STAT4: variants seen among roughly 807,000 people sequenced by gnomAD.
STAT4 encodes signal transducer and activator of transcription 4.
A neutral mutation model predicts 110.5 loss-of-function variants in STAT4; 42 were observed. That is an observed-to-expected ratio of 0.38 (90% CI 0.30 to 0.49). STAT4 has a LOEUF of 0.49. Ranked by LOEUF, STAT4 falls within the 20% of genes least tolerant of loss-of-function variation. STAT4 has a pLI of 0.95. For missense variants in STAT4, 632 were observed against 887.9 expected, an observed-to-expected ratio of 0.71 and a Z score of 3.66; for synonymous variants, 284 against 302.2, an observed-to-expected ratio of 0.94 and a Z score of 0.63.
chr2:191,100,477 A>C (rs1480320753), intron 3 of STAT4, among the ~76,000 whole-genome samples: 2 of 152,170 alleles, frequency 1.3e-5, no homozygotes, highest in Non-Finnish European at 2.9e-5. Flanking sequence ...TGAAATGCAA[A>C]TCACTGTCAT....
intron 3 of STAT4, among the ~76,000 whole-genome samples, chr2:191,096,755 G>C (rs1464590213): frequency 1.3e-5 from 2 of 152,290 alleles, no homozygotes; most frequent in East Asian, 3.9e-4. Flanking sequence ...ACACAGTGTT[G>C]GAAGTTCTGG....
chr2:191,064,719 A>C, intron 8 of STAT4, 88 bp downstream of exon 8: 1 of 1,461,496 alleles, frequency 6.8e-7, no homozygotes, highest in Non-Finnish European at 9.2e-7. Flanking sequence ...CTGATGTTGC[A>C]GTCTAAACCT....
rs1248082571 is a variant in STAT4 at position 191,030,294 on chromosome 2, G to C, written c.2221-428C>G. ...TTTTTGAGGCTTAGGGTCTCTCCAA[G>C]TTTCTATTATATTATTCTGATGTAT... On this transcript the variant is annotated intron_variant, in intron 23 of 23. Coordinates refer to ENST00000392320, the MANE Select transcript of STAT4 (RefSeq NM_003151.4). This position sits in a 1 kb window ranked among gnomAD's most constrained non-coding sequence, Gnocchi z 4.4. Among the ~76,000 whole-genome samples the C allele has an allele frequency of 6.6e-6, 1 of 152,126 alleles. No individual in the cohort carries two copies. Among genetic ancestry groups the C allele is most frequent in the African/African-American group, 2.4e-5 (1 of 41,424 alleles).
chr2:191,065,873 G>C (rs1236207438), intron 7 of STAT4, among the ~76,000 whole-genome samples: 2 of 152,076 alleles, frequency 1.3e-5, no homozygotes, highest in Non-Finnish European at 2.9e-5. Context: ...AAGTGAAATA[G>C]AGATGTTTCC....
At chr2:191,088,203 T>C (rs1697692560) in intron 3 of STAT4, among the ~76,000 whole-genome samples, 3 of 152,200 alleles carry the variant, frequency 2.0e-5, no homozygotes, top group African/African-American at 7.2e-5. Context: ...CTGGAACTAA[T>C]AAGCCATTAG....
At chr2:191,078,198 CAG>C (rs1697366366) in intron 3 of STAT4, among the ~76,000 whole-genome samples, 1 of 152,114 alleles carries the variant, frequency 6.6e-6, no homozygotes. Flanking sequence ...TTTTAGTTCT[CAG>C]AGTTCCTCTA....
At position 191,112,991 on chromosome 2, in the gene STAT4, C is replaced by T. The variant is rs1698466805; in HGVS notation, c.273+33622G>A. On this transcript the variant is annotated intron_variant, in intron 3 of 23. Transcript: ENST00000392320. The surrounding 1 kb of genome is among the most constrained non-coding windows in gnomAD (Gnocchi z 4.3). ...TAGCAGGAAGGGCATTCCCATAGCT[C>T]TCTGCTGTTCTTGCCCATCTGGGAA... Among the ~76,000 whole-genome samples the T allele has an allele frequency of 6.6e-6, 1 of 152,348 alleles. No homozygotes were observed. The highest frequency in any genetic ancestry group is 1.9e-4 in the East Asian group (1 of 5,188).
chr2:191,095,380 A>C (rs1697940931), intron 3 of STAT4, among the ~76,000 whole-genome samples: 1 of 152,204 alleles, frequency 6.6e-6, no homozygotes, highest in African/African-American at 2.4e-5. Context: ...ACTCCTCAGC[A>C]AATGTAAAAG....
At position 191,116,016 on chromosome 2, in the gene STAT4, G is replaced by A. The variant is rs1464644434; in HGVS notation, c.273+30597C>T. ...GCAGGAGTAAGGTATTAGTCATATG[G>A]TACGTTTGGTTGAAATGAACATTAT... On this transcript the variant is annotated intron_variant, in intron 3 of 23. Transcript: ENST00000392320. This position sits in a 1 kb window ranked among gnomAD's most constrained non-coding sequence, Gnocchi z 4.1. 6.6e-6 allele frequency among the ~76,000 whole-genome samples: 1 copy of A among 152,124 alleles called. No homozygotes were observed. The highest frequency in any genetic ancestry group is 2.4e-5 in the African/African-American group (1 of 41,422).
chr2:191,094,058 G>T (rs1398990320), intron 3 of STAT4, among the ~76,000 whole-genome samples: 1 of 152,090 alleles, frequency 6.6e-6, no homozygotes, highest in Non-Finnish European at 1.5e-5. Context: ...AAAAAGAAAA[G>T]AACAAAGCCT....
At chr2:191,100,584 T>C (rs1460994737) in intron 3 of STAT4, among the ~76,000 whole-genome samples, 1 of 152,180 alleles carries the variant, frequency 6.6e-6, no homozygotes, top group Non-Finnish European at 1.5e-5. Context: ...GAGCCTTTTC[T>C]GCTTACTGGT....
chr2:191,146,591 G>T lies in STAT4; in HGVS notation c.273+22C>A. On this transcript the variant is annotated intron_variant, in intron 3 of 23. Transcript: ENST00000392320. This position sits in a 1 kb window ranked among gnomAD's most constrained non-coding sequence, Gnocchi z 4.5. ...AAGACTCATATATCCAAATATTTTG[G>T]AAAAGTAGAATGCATTCTTACCTGA... 1 of 1,448,998 alleles carries T rather than the reference G, an allele frequency of 6.9e-7. No homozygotes were observed. The highest frequency in any genetic ancestry group is 9.1e-7 in the Non-Finnish European group (1 of 1,095,028). The allele number at this position is 1,448,998 out of a possible 1,614,324, so 89.8% of individuals were successfully genotyped here.
At chr2:191,120,086 T>C (rs1186308024) in intron 3 of STAT4, among the ~76,000 whole-genome samples, 1 of 152,026 alleles carries the variant, frequency 6.6e-6, no homozygotes, top group Non-Finnish European at 1.5e-5. Context: ...ACTAAAACAC[T>C]AAAGGTCCCA....
Position 191,050,584 on chromosome 2 carries a change from C to T in STAT4, c.1251+3906G>A, listed in dbSNP as rs1249186699. Among the ~76,000 whole-genome samples, 1 of 152,006 alleles carries T rather than the reference C, an allele frequency of 6.6e-6. No homozygotes were observed. ...TCAGAGATTGTCTAGTCCAATGAGTCCAAATGTTTTTTTTTTTTGACCTTG... is the reference window on the plus strand; with the variant it reads ...TCAGAGATTGTCTAGTCCAATGAGTTCAAATGTTTTTTTTTTTTGACCTTG... On this transcript the variant is annotated intron_variant, in intron 14 of 23. Coordinates refer to ENST00000392320, the MANE Select transcript of STAT4 (RefSeq NM_003151.4). The surrounding 1 kb of genome is among the most constrained non-coding windows in gnomAD (Gnocchi z 4.3).
chr2:191,145,520 G>A (rs1699440113), intron 3 of STAT4, among the ~76,000 whole-genome samples: 1 of 152,288 alleles, frequency 6.6e-6, no homozygotes, highest in South Asian at 2.1e-4. Flanking sequence ...ACAGATTGCT[G>A]TATGCTGCCA....
intron 3 of STAT4, among the ~76,000 whole-genome samples, chr2:191,103,198 T>C (rs1698189419): frequency 6.6e-6 from 1 of 152,286 alleles, no homozygotes; most frequent in Non-Finnish European, 1.5e-5. Context: ...TTTTAAGCTA[T>C]GTTTGCCAGT....
Position 191,058,067 on chromosome 2 carries a change from G to T in STAT4, c.1157C>A (p.Ser386Tyr). Residue 386 changes from serine (S) to tyrosine (Y), a missense_variant, in exon 13 of 24, where the codon TCT becomes TAT. By Grantham distance (144) the Ser-to-Tyr change is moderately radical. This residue lies in a region of STAT4 where 488 missense variants were observed against 632.8 expected (regional missense o/e 0.77). Transcript: ENST00000392320. The surrounding 1 kb of genome is among the most constrained non-coding windows in gnomAD (Gnocchi z 4.3). ...ACTCCCATTGGAAGATTCTTCAATA[G>T]ACATGGCTTTGACATTAGTTCCACA... Reference protein sequence around the residue: ...VLCGTNVKAMSIEESSNGSLS... With the variant: ...VLCGTNVKAMYIEESSNGSLS... The T allele has an allele frequency of 6.2e-7, 1 of 1,614,020 alleles. No individual in the cohort carries two copies. The highest frequency in any genetic ancestry group is 8.5e-7 in the Non-Finnish European group (1 of 1,179,984).
chr2:191,141,687 G>C (rs1023317195), intron 3 of STAT4, among the ~76,000 whole-genome samples: 1 of 151,426 alleles, frequency 6.6e-6, no homozygotes, highest in African/African-American at 2.4e-5. Context: ...CTGGAGTGCA[G>C]TGGCACTATC....
chr2:191,089,605 A>G (rs1033074499), intron 3 of STAT4, among the ~76,000 whole-genome samples: 1 of 152,232 alleles, frequency 6.6e-6, no homozygotes, highest in African/African-American at 2.4e-5. Flanking sequence ...AAACCTACAC[A>G]TGGATGTTTA....
Sources: allele counts gnomAD v4.1 joint callset (sites outside exome capture counted in the v4.1 genomes callset), GRCh38; gene constraint gnomAD v4.1.1; regional missense constraint gnomAD v4.1.1; non-coding constraint Gnocchi (gnomAD v3.1); transcripts MANE v1.5; gene names NCBI Gene and HGNC (gene_info 2026-07-23, HGNC 2026-07-21).